The following DGKB variants were observed in gnomAD, a reference collection of about 807,000 sequenced individuals.
The protein encoded by DGKB is diacylglycerol kinase beta, also known as 90 kDa diacylglycerol kinase.
DGKB carries 67 observed loss-of-function variants against 114.3 expected under a neutral mutation model. The ratio of observed to expected loss-of-function variants is 0.59; its 90% CI spans 0.48 to 0.72. DGKB has a LOEUF of 0.72. DGKB is among the 30% of genes least tolerant of loss of function. The pLI is 0.00. For synonymous variants in DGKB, 398 were observed against 323.1 expected, an observed-to-expected ratio of 1.23 and a Z score of -2.49; for missense variants, 907 against 975.2, an observed-to-expected ratio of 0.93 and a Z score of 0.93.
At chr7:14,904,386 C>T (rs1783550512), upstream of DGKB, among the ~76,000 whole-genome samples, 1 of 151,884 alleles carries the variant, frequency 6.6e-6, no homozygotes. Flanking sequence ...ATATTTTTTC[C>T]CAGTTGTTAG....
chr7:14,872,072 A>G (rs187129456), intron 1 of DGKB, among the ~76,000 whole-genome samples: 1 of 152,170 alleles, frequency 6.6e-6, no homozygotes, highest in African/African-American at 2.4e-5. Flanking sequence ...GTGGTGATTC[A>G]CTAGATCTAA....
intron 2 of DGKB, among the ~76,000 whole-genome samples, chr7:14,775,522 A>G (rs2884377): frequency 6.6e-6 from 1 of 151,504 alleles, no homozygotes; most frequent in Non-Finnish European, 1.5e-5. Flanking sequence ...TAATCTCCAC[A>G]TGTTGTGGGA....
chr7:14,637,027 G>A lies in DGKB; in HGVS notation c.1135-6759C>T, dbSNP rs908095981. 3.3e-5 allele frequency among the ~76,000 whole-genome samples: 5 copies of A among 151,886 alleles called. No individual in the cohort carries two copies. The South Asian group carries it at 1.0e-3, about 31-fold the overall frequency. On this transcript the variant is annotated intron_variant, in intron 13 of 25. Coordinates refer to ENST00000402815, the MANE Select transcript of DGKB (RefSeq NM_001350709.2). ...AAAATAGTAAATGCACAAAGAAGCTGAGGGACACATGATACATAGCGCACA... is the reference window on the plus strand; with the variant it reads ...AAAATAGTAAATGCACAAAGAAGCTAAGGGACACATGATACATAGCGCACA...
chr7:14,156,361 G>A (rs931075318), intron 25 of DGKB, among the ~76,000 whole-genome samples: 3 of 152,136 alleles, frequency 2.0e-5, no homozygotes, highest in Non-Finnish European at 4.4e-5. Context: ...AACATGTTCT[G>A]TAAAGGATTA....
intron 20 of DGKB, among the ~76,000 whole-genome samples, chr7:14,557,081 T>C (rs1002702917): frequency 6.6e-6 from 1 of 152,070 alleles, no homozygotes; most frequent in African/African-American, 2.4e-5. Context: ...TCAGCCCCCG[T>C]CCCCAATCTC....
At chr7:14,415,137 C>T (rs1474223178) in intron 21 of DGKB, among the ~76,000 whole-genome samples, 1 of 151,560 alleles carries the variant, frequency 6.6e-6, no homozygotes, top group Non-Finnish European at 1.5e-5. Context: ...AAAGTGATTA[C>T]ATATAAATAT....
chr7:14,801,963 C>G (rs889635578), intron 2 of DGKB, among the ~76,000 whole-genome samples: 3 of 150,762 alleles, frequency 2.0e-5, no homozygotes, highest in African/African-American at 7.3e-5. Context: ...CACATATACC[C>G]CACACATACA....
chr7:14,633,303 G>C (rs554411269), intron 13 of DGKB, among the ~76,000 whole-genome samples: 2 of 151,808 alleles, frequency 1.3e-5, no homozygotes, highest in African/African-American at 4.8e-5. Flanking sequence ...GACCCAGCTG[G>C]AGCTAGAAGT....
At chr7:14,204,828 G>T (rs1223385189) in intron 23 of DGKB, among the ~76,000 whole-genome samples, 2 of 151,984 alleles carry the variant, frequency 1.3e-5, no homozygotes, top group Non-Finnish European at 2.9e-5. Flanking sequence ...AGGGGAAAAA[G>T]AAATGTATTA....
In DGKB at chr7:14,424,869, T is replaced by G. The variant is rs189391183; in HGVS notation, c.1835+53292A>C. Among the ~76,000 whole-genome samples the G allele has an allele frequency of 1.7e-3, 264 of 152,224 alleles. 5 individuals are homozygous for G. The highest frequency in any genetic ancestry group is 1.1e-3 in the Non-Finnish European group (73 of 67,982). Reference sequence around the variant, plus strand: ...TGATGTTTACTCCCCTGCACCACACTGCCTTCCTGTGGACAAGGTCATATC... The same window carrying G: ...TGATGTTTACTCCCCTGCACCACACGGCCTTCCTGTGGACAAGGTCATATC... On this transcript the variant is annotated intron_variant, in intron 21 of 25. Transcript: ENST00000402815.
chr7:14,803,268 G>C (rs904797561), intron 2 of DGKB, among the ~76,000 whole-genome samples: 2 of 152,116 alleles, frequency 1.3e-5, no homozygotes, highest in African/African-American at 4.8e-5. Context: ...GGAGAAGAGA[G>C]AAAGTGATTT....
chr7:14,335,430 A>C (rs1330028050), intron 23 of DGKB, among the ~76,000 whole-genome samples: 1 of 152,148 alleles, frequency 6.6e-6, no homozygotes, highest in East Asian at 1.9e-4. Context: ...TTATGAAAGC[A>C]AGTATCTATT....
intron 20 of DGKB, among the ~76,000 whole-genome samples, chr7:14,557,873 T>C (rs533209628): frequency 5.3e-5 from 8 of 151,860 alleles, no homozygotes; most frequent in Non-Finnish European, 1.0e-4. Context: ...TATTATGGTA[T>C]ACAAAAATTC....
At chr7:14,715,550 A>C (rs1198545008) in intron 6 of DGKB, among the ~76,000 whole-genome samples, 1 of 152,184 alleles carries the variant, frequency 6.6e-6, no homozygotes, top group East Asian at 1.9e-4. Flanking sequence ...GCACGTATGC[A>C]TGCATGCAAA....
intron 1 of DGKB, among the ~76,000 whole-genome samples, chr7:14,965,910 T>G (rs900243454): frequency 3.3e-5 from 5 of 152,096 alleles, no homozygotes; most frequent in African/African-American, 9.7e-5. Flanking sequence ...ATTACATTTT[T>G]GTACATCATG....
intron 1 of DGKB, among the ~76,000 whole-genome samples, chr7:14,914,326 T>C (rs955475470): frequency 6.6e-6 from 1 of 152,064 alleles, no homozygotes; most frequent in Non-Finnish European, 1.5e-5. Flanking sequence ...AATCATAAGA[T>C]TATAGAAAAC....
intron 17 of DGKB, among the ~76,000 whole-genome samples, chr7:14,604,809 G>T (rs1004561769): frequency 1.8e-4 from 27 of 152,124 alleles, no homozygotes; most frequent in African/African-American, 5.3e-4. Flanking sequence ...AGCCTGGCCA[G>T]AGTCCCCGTT....
rs1255245819 is a variant in DGKB at position 14,942,117 on chromosome 7, CT to C, written c.-188+32578del. Among the ~76,000 whole-genome samples, 627 of 145,700 alleles carry C rather than the reference CT, an allele frequency of 4.3e-3. 2 individuals are homozygous for C. The highest frequency in any genetic ancestry group is 0.013 in the African/African-American group (541 of 40,166). On this transcript the variant is annotated intron_variant, in intron 1 of 4. Coordinates refer to the DGKB transcript ENST00000437998. The stretch of plus-strand genomic sequence containing the variant: ...GTTAGCAGACCTCAGATTAAAAAAA[CT>C]TTTTTTTTTTAGATTAGGCAAAACA...
chr7:14,748,588 A>C (rs1041633290), intron 4 of DGKB, among the ~76,000 whole-genome samples: 1 of 152,184 alleles, frequency 6.6e-6, no homozygotes, highest in African/African-American at 2.4e-5. Context: ...GTAGTAGAAT[A>C]CAAGGTCAAA....
Sources: gnomAD v4.1 joint callset for allele counts (sites outside exome capture counted in the v4.1 genomes callset) on GRCh38, gnomAD v4.1.1 for gene constraint, MANE v1.5 for transcripts, NCBI Gene and HGNC (gene_info 2026-07-23, HGNC 2026-07-21) for gene names.